The following DPP10 variants were observed in gnomAD, a reference collection of about 807,000 sequenced individuals.
DPP10 encodes dipeptidyl peptidase like 10, also known as inactive dipeptidyl peptidase 10.
In DPP10, 33 loss-of-function variants were observed where a neutral mutation model predicts 120.9. That is an observed-to-expected ratio of 0.27 (90% CI 0.21 to 0.37). The LOEUF is 0.37. DPP10 is among the 10% of genes least tolerant of loss of function. The pLI, the probability that DPP10 is intolerant of heterozygous loss-of-function variation, is 1.00. For synonymous variants in DPP10, 337 were observed against 326.1 expected, an observed-to-expected ratio of 1.03 and a Z score of -0.36; for missense variants, 816 against 942.8, an observed-to-expected ratio of 0.87 and a Z score of 1.76.
chr2:115,554,524 T>C (rs2080087996), intron 5 of DPP10, among the ~76,000 whole-genome samples: 1 of 152,072 alleles, frequency 6.6e-6, no homozygotes, highest in South Asian at 2.1e-4. Context: ...AATAAATCAT[T>C]AAATATATTG....
chr2:115,323,029 G>C (rs1170750786), intron 2 of DPP10, among the ~76,000 whole-genome samples: 4 of 152,102 alleles, frequency 2.6e-5, no homozygotes, highest in African/African-American at 9.7e-5. Context: ...AAATAAGAGA[G>C]AAATAAAGTT....
intron 1 of DPP10, among the ~76,000 whole-genome samples, chr2:114,989,493 T>A (rs776188512): frequency 6.6e-6 from 1 of 152,184 alleles, no homozygotes; most frequent in Non-Finnish European, 1.5e-5. Flanking sequence ...TCTGGAAAGA[T>A]TGTTGCAGCA....
chr2:115,156,868 CTTTAT>C (rs1319721143), intron 1 of DPP10, among the ~76,000 whole-genome samples: 13 of 152,210 alleles, frequency 8.5e-5, no homozygotes, highest in Admixed American at 1.3e-4. Context: ...ATTGAGAAAA[CTTTAT>C]TTTATTTCTA....
chr2:115,015,347 T>C (rs1573310512), intron 1 of DPP10, among the ~76,000 whole-genome samples: 1 of 152,104 alleles, frequency 6.6e-6, no homozygotes, highest in East Asian at 1.9e-4. Context: ...TGATGGAACA[T>C]ACTCAAAATA....
chr2:115,155,487 G>T (rs577873720), intron 1 of DPP10, among the ~76,000 whole-genome samples: 2 of 152,268 alleles, frequency 1.3e-5, no homozygotes, highest in South Asian at 4.1e-4. Context: ...ACTCTTATAA[G>T]TGTTGCTCAG....
intron 5 of DPP10, among the ~76,000 whole-genome samples, chr2:115,558,548 G>T (rs577838182): frequency 6.6e-6 from 1 of 152,204 alleles, no homozygotes; most frequent in East Asian, 1.9e-4. Flanking sequence ...GCAATCAGGG[G>T]CATCCTGAAC....
intron 12 of DPP10, among the ~76,000 whole-genome samples, chr2:115,767,449 A>T (rs989396020): frequency 6.9e-6 from 1 of 144,264 alleles, no homozygotes; most frequent in Non-Finnish European, 1.5e-5. Context: ...AAAGAGCAGT[A>T]TCTCTCTCTC....
intron 3 of DPP10, among the ~76,000 whole-genome samples, chr2:115,379,411 T>A (rs1301334672): frequency 6.6e-6 from 1 of 152,172 alleles, no homozygotes; most frequent in African/African-American, 2.4e-5. Flanking sequence ...CCCTTTATCA[T>A]TTTTTATTGC....
chr2:115,377,649 A>C (rs28850614), intron 3 of DPP10, among the ~76,000 whole-genome samples: 1 of 151,324 alleles, frequency 6.6e-6, no homozygotes, highest in Non-Finnish European at 1.5e-5. Context: ...CTGAATGGTA[A>C]TGCCTAGGTT....
chr2:115,025,126 A>G (rs1234595735), intron 1 of DPP10, among the ~76,000 whole-genome samples: 3 of 151,880 alleles, frequency 2.0e-5, no homozygotes, highest in Non-Finnish European at 4.4e-5. Flanking sequence ...ATCTAACTGT[A>G]TATTTGTCTT....
At chr2:115,408,844 T>C (rs1344337304) in intron 3 of DPP10, among the ~76,000 whole-genome samples, 2 of 152,204 alleles carry the variant, frequency 1.3e-5, no homozygotes, top group South Asian at 2.1e-4. Flanking sequence ...GCTTTTAGCC[T>C]TAATTTTAAA....
intron 3 of DPP10, among the ~76,000 whole-genome samples, chr2:115,386,244 T>A (rs2066921357): frequency 6.6e-6 from 1 of 152,156 alleles, no homozygotes. Context: ...ATATTCTGTG[T>A]TATAAAAAGA....
Position 115,342,189 on chromosome 2 carries a change from A to ATGTG in DPP10, c.176-1616_176-1613dup, listed in dbSNP as rs145626499. 3.7e-3 allele frequency: 1,678 copies of ATGTG among 450,934 alleles called. 5 individuals carry two copies. Among genetic ancestry groups the ATGTG allele is most frequent in the Non-Finnish European group, 4.6e-3 (1,028 of 224,516 alleles). 27.9% of individuals were successfully genotyped at this position (450,934 alleles called of 1,614,324 possible). A position where few individuals can be genotyped will look rare whatever the true frequency, so the allele number is the denominator to read the frequency against. ...TTATACTGACATCTATTATGTATGTATGTGTGTGTGTGTGTAATTTGTTTT... is the reference window on the plus strand; with the variant it reads ...TTATACTGACATCTATTATGTATGTATGTGTGTGTGTGTGTGTGTAATTTGTTTT... On this transcript the variant is annotated intron_variant, in intron 2 of 25. Transcript: ENST00000410059.
In DPP10 at chr2:115,040,455, A is replaced by G. The variant is rs1704551281; in HGVS notation, c.61-268784A>G. On this transcript the variant is annotated intron_variant, in intron 1 of 25. Transcript: ENST00000410059. ...GTTGACTAATTTTTAAAAATAGAGT[A>G]AACAGTCACAATTTGGAGCACAAAC... Among the ~76,000 whole-genome samples the G allele has an allele frequency of 2.6e-5, 4 of 152,216 alleles. No individual in the cohort carries two copies. In the South Asian group the frequency reaches 8.3e-4, roughly 32 times the overall value.
intron 21 of DPP10, among the ~76,000 whole-genome samples, chr2:115,833,698 T>G (rs1036402865): frequency 6.6e-6 from 1 of 152,170 alleles, no homozygotes; most frequent in African/African-American, 2.4e-5. Context: ...CTAAAAATAT[T>G]CTATACAATT....
intron 1 of DPP10, among the ~76,000 whole-genome samples, chr2:114,585,029 A>C (rs1690836813): frequency 6.6e-6 from 1 of 152,204 alleles, no homozygotes; most frequent in Non-Finnish European, 1.5e-5. Context: ...TTTGCATAAC[A>C]AATTACCACA....
At chr2:115,465,439 C>T (rs1328707063) in intron 3 of DPP10, among the ~76,000 whole-genome samples, 1 of 152,134 alleles carries the variant, frequency 6.6e-6, no homozygotes, top group Non-Finnish European at 1.5e-5. Flanking sequence ...AAGTATTACA[C>T]ACAGAATATG....
chr2:115,357,560 A>C (rs190766166), intron 3 of DPP10, among the ~76,000 whole-genome samples: 1 of 152,284 alleles, frequency 6.6e-6, no homozygotes, highest in East Asian at 1.9e-4. Context: ...TTGTGTGTGC[A>C]GCTTTTCCAG....
rs1266043116 is a variant in DPP10, at chr2:114,769,574, T to C, written c.60+326736T>C. Among the ~76,000 whole-genome samples, 4 of 152,208 alleles carry C rather than the reference T, an allele frequency of 2.6e-5. No homozygotes were observed. In the East Asian group the frequency reaches 5.8e-4, roughly 22 times the overall value. ...TTGTTTTGATGCTTTTGCCAAGTAT[T>C]GTTACTAGTAGGGTTCTATAAACAG... On this transcript the variant is annotated intron_variant, in intron 1 of 25. Coordinates refer to ENST00000410059, the MANE Select transcript of DPP10 (RefSeq NM_020868.6).
Sources: allele counts gnomAD v4.1 joint callset (sites outside exome capture counted in the v4.1 genomes callset), GRCh38; gene constraint gnomAD v4.1.1; transcripts MANE v1.5; gene names NCBI Gene and HGNC (gene_info 2026-07-23, HGNC 2026-07-21).